The following CRTAC1 variants were observed in gnomAD, a reference collection of about 807,000 sequenced individuals.
CRTAC1 encodes cartilage acidic protein 1.
In CRTAC1, 37 loss-of-function variants were observed where a neutral mutation model predicts 67.8. That is an observed-to-expected ratio of 0.55 (90% confidence interval 0.42 to 0.72). The LOEUF (loss-of-function observed/expected upper bound fraction) is 0.72, where lower values mean the gene tolerates loss of function less well. Among genes scored for constraint, CRTAC1 ranks in the 30% least tolerant of loss-of-function variants. The pLI is 0.00. For synonymous variants in CRTAC1, 348 were observed against 371.0 expected (o/e 0.94, Z 0.71); for missense variants, 780 against 931.6 (o/e 0.84, Z 2.12).
chr10:97,923,168 G>A (rs1444474612), intron 4 of CRTAC1, 96 bp downstream of exon 4: 21 of 1,451,294 alleles, frequency 1.4e-5, no homozygotes, highest in African/African-American at 1.1e-4. Context: ...AAGACACCGC[G>A]GGAGACGCCA....
chr10:97,890,779 T>C (rs534224114), intron 11 of CRTAC1, among the ~76,000 whole-genome samples: 2 of 151,696 alleles, frequency 1.3e-5, no homozygotes, highest in African/African-American at 4.8e-5. Flanking sequence ...GTGACTCTCC[T>C]GCCTCAGCCT....
chr10:97,874,817 C>T (rs1393523930), intron 14 of CRTAC1, among the ~76,000 whole-genome samples: 2 of 152,152 alleles, frequency 1.3e-5, no homozygotes, highest in African/African-American at 4.8e-5. Flanking sequence ...CCCCCTGCCC[C>T]CGCCGCTATT....
intron 8 of CRTAC1, among the ~76,000 whole-genome samples, chr10:97,899,798 G>C (rs965873668): frequency 6.6e-5 from 10 of 152,164 alleles, no homozygotes; most frequent in African/African-American, 2.4e-4. Flanking sequence ...CCAGTGATCT[G>C]GCCCATGTCC....
intron 8 of CRTAC1, among the ~76,000 whole-genome samples, chr10:97,900,530 T>A (rs1027952254): frequency 2.2e-5 from 3 of 139,274 alleles, no homozygotes; most frequent in Admixed American, 1.4e-4. Context: ...TTCCTGGTAG[T>A]GATTGGACCC....
intron 2 of CRTAC1, among the ~76,000 whole-genome samples, chr10:97,937,382 C>A (rs955463085): frequency 1.3e-5 from 2 of 152,194 alleles, no homozygotes; most frequent in African/African-American, 4.8e-5. Flanking sequence ...CCCGCCACTG[C>A]ACCACCACCC....
chr10:97,964,163 T>C (rs1316456653), intron 2 of CRTAC1, among the ~76,000 whole-genome samples: 5 of 152,176 alleles, frequency 3.3e-5, no homozygotes, highest in African/African-American at 1.2e-4. Flanking sequence ...TTGCTAATTA[T>C]ACCAATGAGC....
chr10:97,878,584 G>C (rs571227904), intron 14 of CRTAC1: 1 of 1,299,122 alleles, frequency 7.7e-7, no homozygotes, highest in East Asian at 5.6e-5. Flanking sequence ...ACTGAGGCTG[G>C]TCGTGAGCAT....
chr10:97,995,871 TA>T (rs1242856821), intron 2 of CRTAC1, among the ~76,000 whole-genome samples: 2 of 152,106 alleles, frequency 1.3e-5, no homozygotes, highest in African/African-American at 4.8e-5. Context: ...TGGTAAAAGC[TA>T]TTTTCAGGCC....
intron 2 of CRTAC1, among the ~76,000 whole-genome samples, chr10:97,967,849 G>A (rs1012520529): frequency 6.6e-6 from 1 of 152,106 alleles, no homozygotes; most frequent in African/African-American, 2.4e-5. Flanking sequence ...TATACTCAAG[G>A]TCCCTTTCAA....
chr10:97,905,999 G>GGACA (rs1239218794), intron 6 of CRTAC1, among the ~76,000 whole-genome samples: 1 of 152,184 alleles, frequency 6.6e-6, no homozygotes, highest in Non-Finnish European at 1.5e-5. Flanking sequence ...CTCTTTCAGA[G>GGACA]GACAAATAGC....
intron 2 of CRTAC1, among the ~76,000 whole-genome samples, chr10:97,986,199 A>C (rs527413080): frequency 6.6e-6 from 1 of 152,324 alleles, no homozygotes; most frequent in Admixed American, 6.5e-5. Flanking sequence ...GCTCCCAAAC[A>C]GACTGCCACC....
At chr10:97,961,460 T>C (rs578056611) in intron 2 of CRTAC1, among the ~76,000 whole-genome samples, 5 of 152,326 alleles carry the variant, frequency 3.3e-5, no homozygotes, top group Non-Finnish European at 5.9e-5. Context: ...CTTTTTAATA[T>C]AATTTTTTAA....
Position 97,923,201 on chromosome 10 carries a change from A to G in CRTAC1, c.558+63T>C, listed in dbSNP as rs1469223128. 6.2e-6 allele frequency: 10 copies of G among 1,601,672 alleles called. No homozygotes were observed. In the East Asian group the frequency reaches 2.0e-4, roughly 32 times the overall value. ...CCACTCTGTCAGGGGACGTCTACAC[A>G]GTGGCTCCTCTCCTGGCTCTCATGT... On this transcript the variant is annotated intron_variant, in intron 4 of 14. Transcript: ENST00000370597.
At chr10:97,904,539 CT>C (rs2050583089) in intron 7 of CRTAC1, 129 bp downstream of exon 7, 1 of 797,002 alleles carries the variant, frequency 1.3e-6, no homozygotes, top group African/African-American at 1.8e-5. Context: ...TGTGCCTCAG[CT>C]ACCGGAGTAG....
intron 7 of CRTAC1, among the ~76,000 whole-genome samples, chr10:97,902,782 C>T (rs1388259410): frequency 6.6e-6 from 1 of 152,050 alleles, no homozygotes; most frequent in Non-Finnish European, 1.5e-5. Context: ...CTTTGGCAGC[C>T]ACAGGGATGA....
intron 3 of CRTAC1, 84 bp downstream of exon 3, chr10:97,936,086 G>T: frequency 7.4e-7 from 1 of 1,353,360 alleles, no homozygotes; most frequent in Non-Finnish European, 1.0e-6. Flanking sequence ...CTGAGGAAGG[G>T]CCAGGGTTCC....
rs752821214 is a variant in CRTAC1, at chr10:97,936,293, G to T, written c.298C>A (p.Arg100Ser). 1.2e-6 allele frequency: 2 copies of T among 1,613,986 alleles called. No individual in the cohort carries two copies. The highest frequency in any genetic ancestry group is 2.2e-5 in the South Asian group (2 of 91,056). ...CGCAGCGCGTAGTAGGGTGAGCTGCGCTCATCGACCGCGATGTTCACCAGC... is the reference window on the plus strand; with the variant it reads ...CGCAGCGCGTAGTAGGGTGAGCTGCTCTCATCGACCGCGATGTTCACCAGC... ...KRLVNIAVDE[R>S]SSPYYALRDR... The change falls in exon 3 of 15, where the codon CGC (arginine) becomes AGC (serine). Residue 100 changes from arginine to serine, a missense_variant. Transcript: ENST00000370597.
chr10:97,880,249 C>T lies in CRTAC1; in HGVS notation c.1819G>A (p.Gly607Arg). Residue 607 changes from glycine (G) to arginine (R), a missense_variant and splice_region_variant, in exon 14 of 15, where the codon GGG becomes AGG. Physicochemically the swap from Gly to Arg is moderately radical, Grantham distance 125. Transcript: ENST00000370597. The stretch of plus-strand genomic sequence containing the variant: ...GGCCTATGGCTGGGGCCCCACTCAC[C>T]CACGCAGGCTGTGCCATCCTCGTTG... ...EPNEDGTACV[G>R]TLGQSPGPRP... 1 of 1,614,092 alleles carries T rather than the reference C, an allele frequency of 6.2e-7. No homozygotes were observed. Among genetic ancestry groups the T allele is most frequent in the Non-Finnish European group, 8.5e-7 (1 of 1,179,944 alleles).
At chr10:98,027,133 C>A in intron 1 of CRTAC1, among the ~76,000 whole-genome samples, 1 of 150,872 alleles carries the variant, frequency 6.6e-6, no homozygotes, top group Middle Eastern at 3.4e-3. Flanking sequence ...CGCCACTGCA[C>A]TCCAGCCTGG....
Sources: gnomAD v4.1 joint callset for allele counts (sites outside exome capture counted in the v4.1 genomes callset) on GRCh38, gnomAD v4.1.1 for gene constraint, MANE v1.5 for transcripts, NCBI Gene and HGNC (gene_info 2026-07-23, HGNC 2026-07-21) for gene names.